Variants in ANK2 observed in about 807,000 individuals in gnomAD.
ANK2 encodes the protein ankyrin 2.
In ANK2, 83 loss-of-function variants were observed where a neutral mutation model predicts 360.5. The observed-to-expected ratio is 0.23, with a 90% CI of 0.19 to 0.28. ANK2 has a LOEUF of 0.28. ANK2 is among the 10% of genes least tolerant of loss of function. The probability of loss-of-function intolerance (pLI) is 1.00; values close to 1 mark genes in which losing one functional copy is unlikely to be tolerated. For synonymous variants in ANK2, 1,740 were observed against 1,759.5 expected (o/e 0.99, Z 0.28); for missense variants, 4,201 against 4,795.7 (o/e 0.88, Z 3.66).
chr4:112,950,072 A>G (rs2094834506), intron 2 of ANK2, among the ~76,000 whole-genome samples: 1 of 152,124 alleles, frequency 6.6e-6, no homozygotes. Context: ...TTTCTTCACA[A>G]TTTTTGTAAA....
intron 2 of ANK2, among the ~76,000 whole-genome samples, chr4:113,180,941 C>T (rs997370945): frequency 1.3e-5 from 2 of 152,176 alleles, no homozygotes; most frequent in Non-Finnish European, 2.9e-5. Flanking sequence ...TAATCTCTTT[C>T]GATGCATCAG....
chr4:113,042,241 G>C (rs1357855109), intron 2 of ANK2, among the ~76,000 whole-genome samples: 2 of 152,066 alleles, frequency 1.3e-5, no homozygotes, highest in Non-Finnish European at 2.9e-5. Flanking sequence ...TCCAGTTCTA[G>C]GCCTTCAGAC....
chr4:112,829,913 C>T (rs1012583270), intron 1 of ANK2, among the ~76,000 whole-genome samples: 4 of 151,694 alleles, frequency 2.6e-5, no homozygotes, highest in South Asian at 2.1e-4. Context: ...GAGTGGAGAT[C>T]GCGCCACTGC....
chr4:112,946,867 T>A (rs1202494121), intron 2 of ANK2, among the ~76,000 whole-genome samples: 2 of 152,248 alleles, frequency 1.3e-5, no homozygotes, highest in African/African-American at 4.8e-5. Context: ...TCTTCAAACA[T>A]GTGCTTTCTT....
intron 2 of ANK2, among the ~76,000 whole-genome samples, chr4:113,032,469 A>AT (rs2060621595): frequency 6.6e-6 from 1 of 151,980 alleles, no homozygotes; most frequent in Non-Finnish European, 1.5e-5. Context: ...CTGTTATTAC[A>AT]GGGGGATTCC....
chr4:113,102,278 A>G (rs1181849243), intron 1 of ANK2, among the ~76,000 whole-genome samples: 1 of 152,052 alleles, frequency 6.6e-6, no homozygotes, highest in Non-Finnish European at 1.5e-5. Flanking sequence ...TTGAATGTGG[A>G]CAACTCCCAG....
At chr4:113,174,791 C>T (rs1386866023) in intron 2 of ANK2, among the ~76,000 whole-genome samples, 1 of 151,978 alleles carries the variant, frequency 6.6e-6, no homozygotes, top group Non-Finnish European at 1.5e-5. Flanking sequence ...GGAATTTTGA[C>T]CAAGAATGAT....
chr4:113,278,693 C>A (rs2032880738), intron 17 of ANK2, 135 bp downstream of exon 17: 1 of 839,354 alleles, frequency 1.2e-6, no homozygotes, highest in Non-Finnish European at 1.9e-6. Context: ...GTATTGACAC[C>A]CTTTTTTTTC....
chr4:113,013,956 AG>A (rs963286868), intron 2 of ANK2, among the ~76,000 whole-genome samples: 4 of 152,096 alleles, frequency 2.6e-5, no homozygotes, highest in South Asian at 4.1e-4. Context: ...GAGGGAAAAA[AG>A]GTTGTGCAAC....
At chr4:113,342,941 G>A (rs2153982656) in intron 33 of ANK2, 76 bp from the exon 34 acceptor site, 1 of 1,580,118 alleles carries the variant, frequency 6.3e-7, no homozygotes, top group African/African-American at 1.3e-5. Flanking sequence ...GTTCCAAGTA[G>A]TACTACCACT....
At chr4:112,819,864 G>A (rs1001655347) in intron 1 of ANK2, among the ~76,000 whole-genome samples, 1 of 152,150 alleles carries the variant, frequency 6.6e-6, no homozygotes, top group Non-Finnish European at 1.5e-5. Flanking sequence ...AGACGAGCAC[G>A]GTGTGAGGAA....
chr4:113,068,875 A>G (rs1007425483), intron 1 of ANK2, among the ~76,000 whole-genome samples: 6 of 152,136 alleles, frequency 3.9e-5, no homozygotes, highest in Admixed American at 1.3e-4. Flanking sequence ...AGCCTGGGCA[A>G]CATAGTGAGA....
At chr4:113,119,353 A>G in intron 1 of ANK2, among the ~76,000 whole-genome samples, 1 of 151,982 alleles carries the variant, frequency 6.6e-6, no homozygotes, top group East Asian at 1.9e-4. Context: ...GCTATATTAT[A>G]TTTATTTTCT....
chr4:112,733,807 C>T, the ANK2 span, among the ~76,000 whole-genome samples: 8 of 152,154 alleles, frequency 5.3e-5, no homozygotes, highest in African/African-American at 1.9e-4. Flanking sequence ...CGGAGTCTCA[C>T]CTTGTCGCCC....
At chr4:112,741,098 G>A in the ANK2 span, among the ~76,000 whole-genome samples, 1 of 151,930 alleles carries the variant, frequency 6.6e-6, no homozygotes, top group Non-Finnish European at 1.5e-5. Context: ...CCAAAGTGCT[G>A]GGATTACTGG....
At position 113,323,721 on chromosome 4, in the gene ANK2, C is replaced by T. The variant is rs368017853; in HGVS notation, c.2900+5101C>T. The T allele has an allele frequency of 2.0e-5, 32 of 1,579,144 alleles. No individual in the cohort carries two copies. In the Admixed American group the frequency reaches 2.0e-4, roughly 10 times the overall value. On this transcript the variant is annotated intron_variant, in intron 26 of 45. Transcript: ENST00000357077. Reference sequence around the variant, plus strand: ...TTCCTTCCTTATATTTCACTTTATCCGTTCCTTCTCTGTGCTAAAGTATCT... The same window carrying T: ...TTCCTTCCTTATATTTCACTTTATCTGTTCCTTCTCTGTGCTAAAGTATCT...
chr4:113,008,190 G>A (rs1476759645), intron 2 of ANK2, among the ~76,000 whole-genome samples: 5 of 151,120 alleles, frequency 3.3e-5, no homozygotes, highest in African/African-American at 1.2e-4. Flanking sequence ...ATAGTTTCAG[G>A]ATTTCCCAAC....
chr4:113,276,177 G>A (rs1212769820), intron 15 of ANK2, among the ~76,000 whole-genome samples: 1 of 151,958 alleles, frequency 6.6e-6, no homozygotes, highest in African/African-American at 2.4e-5. Context: ...TCCTGACCTC[G>A]TGACCCACCC....
chr4:113,130,688 A>G (rs573249282), intron 1 of ANK2, among the ~76,000 whole-genome samples: 2 of 152,318 alleles, frequency 1.3e-5, no homozygotes, highest in South Asian at 4.1e-4. Flanking sequence ...GGATTTGACA[A>G]GCTTGCTCTG....
Sources: gnomAD v4.1 joint callset for allele counts (sites outside exome capture counted in the v4.1 genomes callset) on GRCh38, gnomAD v4.1.1 for gene constraint, MANE v1.5 for transcripts, NCBI Gene and HGNC (gene_info 2026-07-23, HGNC 2026-07-21) for gene names.